The following CDK17 variants were observed in gnomAD, a reference collection of about 807,000 sequenced individuals.
CDK17 encodes the protein cyclin-dependent kinase 17.
A neutral mutation model predicts 77.6 loss-of-function variants in CDK17; 24 were observed. The ratio of observed to expected loss-of-function variants is 0.31; its 90% confidence interval spans 0.22 to 0.44. The LOEUF (loss-of-function observed/expected upper bound fraction) is 0.44, where lower values mean the gene tolerates loss of function less well. Among genes scored for constraint, CDK17 ranks in the 20% least tolerant of loss-of-function variants. CDK17 has a pLI of 1.00. For synonymous variants in CDK17, 203 were observed against 210.4 expected, an observed-to-expected ratio of 0.96 and a Z score of 0.30; for missense variants, 429 against 622.5, an observed-to-expected ratio of 0.69 and a Z score of 3.31.
chr12:96,388,927 A>T (rs182936490), intron 1 of CDK17, among the ~76,000 whole-genome samples: 2 of 152,156 alleles, frequency 1.3e-5, no homozygotes, highest in African/African-American at 2.4e-5. Context: ...AAAACAACCG[A>T]TCTCACATGA....
chr12:96,343,474 GCA>G (rs1460325135), intron 1 of CDK17, among the ~76,000 whole-genome samples: 1 of 152,216 alleles, frequency 6.6e-6, no homozygotes. Flanking sequence ...TGAGAGACAG[GCA>G]CAGAGGCAGA....
At chr12:96,351,836 C>T (rs1953317229) in intron 1 of CDK17, among the ~76,000 whole-genome samples, 1 of 152,076 alleles carries the variant, frequency 6.6e-6, no homozygotes, top group Non-Finnish European at 1.5e-5. Flanking sequence ...TTATGCTGAA[C>T]ACAACAGAAT....
At chr12:96,362,339 C>T (rs552144595) in intron 1 of CDK17, among the ~76,000 whole-genome samples, 1 of 152,228 alleles carries the variant, frequency 6.6e-6, no homozygotes, top group Non-Finnish European at 1.5e-5. Context: ...CTGCCTCAGC[C>T]TCCTGAGTAG....
Position 96,400,169 on chromosome 12 carries a change from G to A in CDK17, c.-213C>T. 2.5e-6 allele frequency: 1 copy of A among 394,466 alleles called. No homozygotes were observed. Among genetic ancestry groups the A allele is most frequent in the East Asian group, 3.6e-5 (1 of 27,832 alleles). 24.4% of individuals were successfully genotyped at this position (394,466 alleles called of 1,614,324 possible). On this transcript the variant is annotated 5_prime_UTR_variant, in exon 1 of 17. Coordinates refer to ENST00000261211, the MANE Select transcript of CDK17 (RefSeq NM_002595.5). ...TTCCGGCTCTCGCCGCGGGTCCGGA[G>A]CCTCGGGAGGGGCCGCGGGTGTCTC...
intron 6 of CDK17, among the ~76,000 whole-genome samples, chr12:96,299,339 C>T (rs1952460466): frequency 6.6e-6 from 1 of 150,874 alleles, no homozygotes; most frequent in Non-Finnish European, 1.5e-5. Flanking sequence ...ACTAATTGAA[C>T]ATATTAATTG....
At chr12:96,391,750 A>AT (rs1444909336) in intron 1 of CDK17, among the ~76,000 whole-genome samples, 1 of 152,070 alleles carries the variant, frequency 6.6e-6, no homozygotes, top group South Asian at 2.1e-4. Flanking sequence ...TTTTCTCTCC[A>AT]TTTTCACTAA....
At chr12:96,343,947 G>A (rs1207271490) in intron 1 of CDK17, among the ~76,000 whole-genome samples, 1 of 152,146 alleles carries the variant, frequency 6.6e-6, no homozygotes, top group Non-Finnish European at 1.5e-5. Flanking sequence ...AGAGCTGAAG[G>A]AAATCAGGAA....
At chr12:96,328,283 T>G (rs1952916871) in intron 2 of CDK17, among the ~76,000 whole-genome samples, 1 of 152,148 alleles carries the variant, frequency 6.6e-6, no homozygotes, top group South Asian at 2.1e-4. Flanking sequence ...TCTTACTGAT[T>G]GTACATTATG....
At chr12:96,297,503 T>G (rs536925444) in intron 8 of CDK17, 124 bp downstream of exon 8, 2 of 806,512 alleles carry the variant, frequency 2.5e-6, no homozygotes, top group Non-Finnish European at 4.1e-6. Context: ...TCTTGGGCTG[T>G]TAAAAAGTCC....
chr12:96,368,119 T>C (rs540120403), intron 1 of CDK17, among the ~76,000 whole-genome samples: 3 of 149,330 alleles, frequency 2.0e-5, no homozygotes, highest in Admixed American at 6.7e-5. Context: ...AAAAAAAGAG[T>C]GTGTGGAAGG....
chr12:96,377,183 A>C (rs1326172267), intron 1 of CDK17, among the ~76,000 whole-genome samples: 1 of 152,236 alleles, frequency 6.6e-6, no homozygotes, highest in Non-Finnish European at 1.5e-5. Context: ...AATGTGAAAA[A>C]CACAACCACA....
intron 1 of CDK17, among the ~76,000 whole-genome samples, chr12:96,397,169 C>T (rs1565851617): frequency 6.6e-6 from 1 of 152,096 alleles, no homozygotes; most frequent in Admixed American, 6.5e-5. Context: ...TCTAGTTTCG[C>T]CATAATTGTA....
rs1271697739 is a variant in CDK17 at position 96,297,738 on chromosome 12, G to A, written c.716-17C>T. On this transcript the variant is annotated splice_polypyrimidine_tract_variant and intron_variant, in intron 7 of 16. Transcript: ENST00000261211. The stretch of plus-strand genomic sequence containing the variant: ...ATAGTGAAACTGCAAAACAGAAAAA[G>A]AAAATTGTTTAGTCTGTGGCAGTCT... The A allele has an allele frequency of 7.3e-7, 1 of 1,372,768 alleles. No homozygotes were observed. The highest frequency in any genetic ancestry group is 1.0e-6 in the Non-Finnish European group (1 of 970,452). The allele number at this position is 1,372,768 out of a possible 1,614,324, so 85.0% of individuals were successfully genotyped here.
At chr12:96,364,148 A>G (rs964186239) in intron 1 of CDK17, among the ~76,000 whole-genome samples, 4 of 152,156 alleles carry the variant, frequency 2.6e-5, no homozygotes, top group Non-Finnish European at 4.4e-5. Context: ...GATATGACAC[A>G]TTCTCATTTG....
Position 96,286,778 on chromosome 12 carries a change from G to GA in CDK17, c.1119-18dup, listed in dbSNP as rs1952252093. On this transcript the variant is annotated splice_polypyrimidine_tract_variant and intron_variant, in intron 11 of 16. Transcript: ENST00000261211. ...CCAACACCCCTTTAAAATAGATCAT[G>GA]AAAATAATTTAGCAATTCATTTACA... 1.3e-6 allele frequency: 2 copies of GA among 1,565,766 alleles called. No individual in the cohort carries two copies. Among genetic ancestry groups the GA allele is most frequent in the Admixed American group, 1.7e-5 (1 of 58,942 alleles).
intron 2 of CDK17, among the ~76,000 whole-genome samples, chr12:96,326,839 G>C (rs994330182): frequency 1.3e-5 from 2 of 152,212 alleles, no homozygotes; most frequent in African/African-American, 4.8e-5. Flanking sequence ...TGAGACCACA[G>C]AGGTAAGGAG....
rs372519245 is a variant in CDK17, at chr12:96,286,047, G to C, written c.1318C>G (p.Pro440Ala). Residue 440 changes from proline (P) to alanine (A), a missense_variant, in exon 13 of 17, where the codon CCC (proline) becomes GCC (alanine). This residue lies in a region of CDK17 where 115 missense variants were observed against 124.2 expected (regional missense o/e 0.93). Coordinates refer to ENST00000261211, the MANE Select transcript of CDK17 (RefSeq NM_002595.5). The stretch of plus-strand genomic sequence containing the variant: ...TCACATAAGAAAAAAAAATACCTGG[G>C]TGCGTGGTTAATTAGAGGCTGTGGT... ...YKPQPLINHAPRLDSEGIELI... is the reference protein window; with the variant it reads ...YKPQPLINHAARLDSEGIELI... 6.6e-6 allele frequency: 10 copies of C among 1,525,562 alleles called. No individual in the cohort carries two copies. In the South Asian group the frequency reaches 1.0e-4, roughly 16 times the overall value. The allele number at this position is 1,525,562 out of a possible 1,614,324, so 94.5% of individuals were successfully genotyped here.
At chr12:96,312,991 A>G (rs1416386375) in intron 4 of CDK17, among the ~76,000 whole-genome samples, 2 of 152,244 alleles carry the variant, frequency 1.3e-5, no homozygotes, top group Non-Finnish European at 2.9e-5. Flanking sequence ...AAAAGAAGAC[A>G]TTGCTAATGT....
rs187887489 is a variant in CDK17, at chr12:96,382,115, T to C, written c.-30+17871A>G. Among the ~76,000 whole-genome samples, 30 of 146,936 alleles carry C rather than the reference T, an allele frequency of 2.0e-4. No individual in the cohort carries two copies. In the East Asian group the frequency reaches 6.2e-3, roughly 31 times the overall value. On this transcript the variant is annotated intron_variant, in intron 1 of 16. Transcript: ENST00000261211. ...CTATCTACCCTAAGGAAATGCAAAATGGTGTGGGCGGGTGGGAAAGGGATA... is the reference window on the plus strand; with the variant it reads ...CTATCTACCCTAAGGAAATGCAAAACGGTGTGGGCGGGTGGGAAAGGGATA...
Sources: gnomAD v4.1 joint callset for allele counts (sites outside exome capture counted in the v4.1 genomes callset) on GRCh38, gnomAD v4.1.1 for gene constraint, gnomAD v4.1.1 regional missense constraint, MANE v1.5 for transcripts, NCBI Gene and HGNC (gene_info 2026-07-23, HGNC 2026-07-21) for gene names.